LSAMP: variants seen among roughly 807,000 people sequenced by gnomAD.
LSAMP encodes the protein limbic system-associated membrane protein.
A neutral mutation model predicts 38.6 loss-of-function variants in LSAMP; 7 were observed. The ratio of observed to expected loss-of-function variants is 0.18; its 90% CI spans 0.10 to 0.34. The LOEUF (loss-of-function observed/expected upper bound fraction) is 0.34, where lower values mean the gene tolerates loss of function less well. LSAMP is among the 10% of genes least tolerant of loss of function. LSAMP has a pLI of 1.00. For synonymous variants in LSAMP, 154 were observed against 166.8 expected, an observed-to-expected ratio of 0.92 and a Z score of 0.59; for missense variants, 313 against 420.0, an observed-to-expected ratio of 0.75 and a Z score of 2.23.
chr3:116,185,911 A>G (rs1027162619), intron 1 of LSAMP, among the ~76,000 whole-genome samples: 2 of 149,918 alleles, frequency 1.3e-5, no homozygotes, highest in African/African-American at 4.9e-5. Flanking sequence ...AAAAAAAAAG[A>G]CCTCTTTAGT....
At chr3:116,132,045 C>T (rs73140910) in intron 1 of LSAMP, among the ~76,000 whole-genome samples, 26,996 of 151,796 alleles carry the variant, frequency 0.18, 2,488 homozygotes, top group Admixed American at 0.22. Context: ...CCAGGCTGGT[C>T]TCGAACTCCT....
chr3:116,319,939 T>G (rs1292572333), intron 1 of LSAMP, among the ~76,000 whole-genome samples: 3 of 152,160 alleles, frequency 2.0e-5, no homozygotes, highest in Non-Finnish European at 4.4e-5. Context: ...ACAATTTATG[T>G]TGTATTTTTT....
chr3:115,810,589 C>T (rs1377299453), intron 6 of LSAMP, among the ~76,000 whole-genome samples, 175 bp from the exon 7 acceptor site: 2 of 152,204 alleles, frequency 1.3e-5, no homozygotes, highest in African/African-American at 4.8e-5. Flanking sequence ...TCCTTCTCCT[C>T]CTTGGGCTAC....
chr3:116,055,362 G>A (rs1167109638), intron 2 of LSAMP, among the ~76,000 whole-genome samples: 4 of 152,158 alleles, frequency 2.6e-5, no homozygotes, highest in African/African-American at 9.7e-5. Flanking sequence ...AGCACAGTGA[G>A]TTGTGGTCAT....
chr3:115,918,903 T>A (rs1388904930), intron 3 of LSAMP, among the ~76,000 whole-genome samples: 1 of 152,114 alleles, frequency 6.6e-6, no homozygotes, highest in African/African-American at 2.4e-5. Context: ...TTTAATCTTG[T>A]AACAATCCTA....
intron 1 of LSAMP, among the ~76,000 whole-genome samples, chr3:116,276,707 G>T (rs967942145): frequency 4.6e-5 from 7 of 151,630 alleles, no homozygotes; most frequent in Non-Finnish European, 8.8e-5. Flanking sequence ...AGAAAACAGG[G>T]TCCTTGCAGG....
chr3:116,352,160 C>T (rs114660320), intron 1 of LSAMP, among the ~76,000 whole-genome samples: 3 of 152,054 alleles, frequency 2.0e-5, no homozygotes, highest in East Asian at 3.9e-4. Context: ...CATGACTTCT[C>T]TGACGTTTCC....
At chr3:116,395,660 A>G (rs2048758083) in intron 1 of LSAMP, among the ~76,000 whole-genome samples, 1 of 152,188 alleles carries the variant, frequency 6.6e-6, no homozygotes, top group Non-Finnish European at 1.5e-5. Flanking sequence ...CAGATTGTAC[A>G]GTCTGCTTGG....
At chr3:116,026,040 C>A (rs1256475479) in intron 2 of LSAMP, among the ~76,000 whole-genome samples, 1 of 152,144 alleles carries the variant, frequency 6.6e-6, no homozygotes, top group East Asian at 1.9e-4. Flanking sequence ...CTACCCTGAC[C>A]TCTCAAAGTG....
chr3:116,305,637 AAC>A (rs774685349), intron 1 of LSAMP, among the ~76,000 whole-genome samples: 2 of 152,124 alleles, frequency 1.3e-5, no homozygotes, highest in African/African-American at 2.4e-5. Context: ...CAAATATCAA[AAC>A]ACAAAAAAAT....
intron 3 of LSAMP, among the ~76,000 whole-genome samples, chr3:115,870,950 A>G (rs367688814): frequency 3.3e-5 from 5 of 152,126 alleles, no homozygotes; most frequent in Non-Finnish European, 7.4e-5. Context: ...TAAGGTGCAC[A>G]GTGTTTTCGC....
At chr3:115,998,827 C>G (rs1048220872) in intron 3 of LSAMP, among the ~76,000 whole-genome samples, 5 of 152,102 alleles carry the variant, frequency 3.3e-5, no homozygotes, top group African/African-American at 4.8e-5. Flanking sequence ...CGTGTTCCGA[C>G]AGCCTGCCTG....
chr3:116,227,018 T>C (rs2046350356), intron 1 of LSAMP, among the ~76,000 whole-genome samples: 1 of 152,214 alleles, frequency 6.6e-6, no homozygotes, highest in African/African-American at 2.4e-5. Flanking sequence ...TGAAGGTGTT[T>C]TTTTTTCCTG....
intron 3 of LSAMP, among the ~76,000 whole-genome samples, chr3:115,934,079 C>A (rs1313354969): frequency 1.3e-5 from 2 of 152,168 alleles, no homozygotes; most frequent in Non-Finnish European, 2.9e-5. Context: ...GACCTTGCAA[C>A]TCAAAAGCTT....
chr3:116,116,702 C>A (rs1469153177), intron 1 of LSAMP, among the ~76,000 whole-genome samples: 2 of 150,740 alleles, frequency 1.3e-5, no homozygotes, highest in African/African-American at 4.9e-5. Flanking sequence ...GGCAACAGAG[C>A]GAGATTCCAT....
chr3:116,313,022 G>A (rs1191926186), intron 1 of LSAMP, among the ~76,000 whole-genome samples: 1 of 152,116 alleles, frequency 6.6e-6, no homozygotes, highest in Non-Finnish European at 1.5e-5. Context: ...CACAAATATA[G>A]ATCCTAAGTT....
At chr3:116,261,387 G>A (rs113340388) in intron 1 of LSAMP, among the ~76,000 whole-genome samples, 126 of 152,218 alleles carry the variant, frequency 8.3e-4, no homozygotes, top group African/African-American at 2.7e-3. Flanking sequence ...TTCCATAATA[G>A]CATGTGTCTG....
chr3:116,320,911 T>C (rs1228976503), intron 1 of LSAMP, among the ~76,000 whole-genome samples: 5 of 152,216 alleles, frequency 3.3e-5, no homozygotes, highest in Admixed American at 2.6e-4. Flanking sequence ...TGAAATCATC[T>C]GGGCTGTGCA....
chr3:115,813,043 T>C (rs1390201022), intron 6 of LSAMP, among the ~76,000 whole-genome samples: 1 of 152,150 alleles, frequency 6.6e-6, no homozygotes, highest in Non-Finnish European at 1.5e-5. Context: ...ATGCAAATGA[T>C]ATACACACAT....
Sources: allele counts gnomAD v4.1 joint callset (sites outside exome capture counted in the v4.1 genomes callset), GRCh38; gene constraint gnomAD v4.1.1; transcripts MANE v1.5; gene names NCBI Gene and HGNC (gene_info 2026-07-23, HGNC 2026-07-21).